TBC1D5: variants seen among roughly 807,000 people sequenced by gnomAD.
TBC1D5 encodes TBC1 domain family member 5, also known as TBC1 domain family, member 5.
In TBC1D5, 75 loss-of-function variants were observed where a neutral mutation model predicts 100.3. The ratio of observed to expected loss-of-function variants is 0.75; its 90% CI spans 0.62 to 0.91. The LOEUF (loss-of-function observed/expected upper bound fraction) is 0.91. Among genes scored for constraint, TBC1D5 ranks in the 40% least tolerant of loss-of-function variants. TBC1D5 has a pLI of 0.00. For synonymous variants in TBC1D5, 323 were observed against 325.6 expected (o/e 0.99, Z 0.09); for missense variants, 910 against 942.4 (o/e 0.97, Z 0.45).
chr3:17,540,293 CTATT>C (rs560196205), intron 2 of TBC1D5, among the ~76,000 whole-genome samples: 42 of 152,258 alleles, frequency 2.8e-4, no homozygotes, highest in African/African-American at 9.9e-4. Context: ...TCTTTTCACC[CTATT>C]TATTGACAGT....
intron 1 of TBC1D5, among the ~76,000 whole-genome samples, chr3:17,690,537 A>C (rs1432652726): frequency 9.9e-5 from 15 of 152,138 alleles, no homozygotes; most frequent in African/African-American, 3.6e-4. Context: ...ATATTTTATA[A>C]CAGGGTTCTC....
At chr3:17,480,013 G>A (rs2095483182) in intron 3 of TBC1D5, among the ~76,000 whole-genome samples, 1 of 152,202 alleles carries the variant, frequency 6.6e-6, no homozygotes, top group African/African-American at 2.4e-5. Flanking sequence ...GAAAGTGCCT[G>A]ATCCTGTGGC....
intron 1 of TBC1D5, among the ~76,000 whole-genome samples, chr3:17,651,794 T>C (rs1195831356): frequency 6.6e-6 from 1 of 151,984 alleles, no homozygotes; most frequent in East Asian, 1.9e-4. Flanking sequence ...CATTGTTAGG[T>C]GAGGAGAAGG....
chr3:17,546,193 T>C (rs1311597194), intron 2 of TBC1D5, among the ~76,000 whole-genome samples: 1 of 152,196 alleles, frequency 6.6e-6, no homozygotes, highest in African/African-American at 2.4e-5. Flanking sequence ...TTGATAGTTA[T>C]TCTTGATCTG....
chr3:17,167,856 AC>A, intron 19 of TBC1D5, 28 bp from the exon 21 acceptor site: 15 of 1,519,078 alleles, frequency 9.9e-6, no homozygotes, highest in Non-Finnish European at 1.4e-5. Context: ...ACATTTTATA[AC>A]CAATGCTCTG....
intron 1 of TBC1D5, among the ~76,000 whole-genome samples, chr3:17,706,779 TATA>T (rs1433146718): frequency 1.3e-5 from 2 of 151,966 alleles, no homozygotes; most frequent in Non-Finnish European, 2.9e-5. Flanking sequence ...ATCTTTGTTT[TATA>T]ATTAAGCCAT....
Position 17,564,438 on chromosome 3 carries a change from T to A in TBC1D5, c.-35-55833A>T, listed in dbSNP as rs148318521. Reference sequence around the variant, plus strand: ...AAATATAAATAAATTACTACCCCCCTTAAGCTTCATGGGCCTACAGTTTTA... The same window carrying A: ...AAATATAAATAAATTACTACCCCCCATAAGCTTCATGGGCCTACAGTTTTA... On this transcript the variant is annotated intron_variant, in intron 2 of 21. Transcript: ENST00000253692. Among the ~76,000 whole-genome samples the A allele has an allele frequency of 3.5e-3, 526 of 152,236 alleles. 6 individuals are homozygous for A. The highest frequency in any genetic ancestry group is 0.024 in the East Asian group (126 of 5,186).
At chr3:17,430,113 A>G (rs1051388971) in intron 3 of TBC1D5, among the ~76,000 whole-genome samples, 3 of 151,820 alleles carry the variant, frequency 2.0e-5, no homozygotes, top group East Asian at 1.9e-4. Flanking sequence ...AAAATTAATA[A>G]TATTATAATA....
At chr3:17,341,494 C>A (rs953925757) in intron 13 of TBC1D5, among the ~76,000 whole-genome samples, 8 of 152,072 alleles carry the variant, frequency 5.3e-5, no homozygotes, top group Non-Finnish European at 1.0e-4. Flanking sequence ...CCGCGCCTGG[C>A]CTAAAATCTG....
At chr3:17,209,323 A>C (rs148990461) in intron 18 of TBC1D5, among the ~76,000 whole-genome samples, 242 of 152,150 alleles carry the variant, frequency 1.6e-3, no homozygotes, top group Non-Finnish European at 2.3e-3. Flanking sequence ...ATTAAAAACA[A>C]ATTTTTTTTG....
intron 3 of TBC1D5, chr3:17,465,135 C>A (rs1042649842): frequency 1.3e-5 from 2 of 152,328 alleles, no homozygotes; most frequent in African/African-American, 4.8e-5. Flanking sequence ...ACACCCCCAA[C>A]GTGGGCCCAC....
intron 2 of TBC1D5, among the ~76,000 whole-genome samples, chr3:17,570,998 A>G (rs2096623784): frequency 6.6e-6 from 1 of 152,056 alleles, no homozygotes; most frequent in East Asian, 1.9e-4. Flanking sequence ...GGTGACTTTT[A>G]GAGACACAAA....
At chr3:17,212,391 G>A (rs1337571871) in intron 18 of TBC1D5, among the ~76,000 whole-genome samples, 1 of 152,082 alleles carries the variant, frequency 6.6e-6, no homozygotes, top group Non-Finnish European at 1.5e-5. Context: ...TGTAAGTATG[G>A]CACATACAAT....
intron 16 of TBC1D5, among the ~76,000 whole-genome samples, chr3:17,242,524 G>A (rs904352957): frequency 5.9e-5 from 9 of 151,368 alleles, no homozygotes; most frequent in South Asian, 2.1e-4. Flanking sequence ...GAATACTTCC[G>A]TTCATTCATT....
At chr3:17,167,957 G>A in intron 19 of TBC1D5, 129 bp from the exon 21 acceptor site, 1 of 672,606 alleles carries the variant, frequency 1.5e-6, no homozygotes, top group Non-Finnish European at 2.6e-6. Flanking sequence ...CACAAAAGAT[G>A]CTCTGCAAAC....
In TBC1D5 at chr3:17,212,631, G is replaced by A. The variant is rs115177908; in HGVS notation, c.1752+1576C>T. 2.2e-3 allele frequency among the ~76,000 whole-genome samples: 342 copies of A among 152,022 alleles called. 1 individual carries two copies. The highest frequency in any genetic ancestry group is 7.9e-3 in the African/African-American group (328 of 41,466). Reference sequence around the variant, plus strand: ...CACTGCCCCCAAAGACCCTCCAGGGGGACAAAACGTGGAGGTGGAAACAAT... The same window carrying A: ...CACTGCCCCCAAAGACCCTCCAGGGAGACAAAACGTGGAGGTGGAAACAAT... On this transcript the variant is annotated intron_variant, in intron 18 of 21. Transcript: ENST00000253692.
intron 13 of TBC1D5, among the ~76,000 whole-genome samples, chr3:17,329,337 A>G (rs917069132): frequency 1.4e-4 from 21 of 152,224 alleles, no homozygotes; most frequent in Admixed American, 1.3e-3. Flanking sequence ...TTCAGCTCTG[A>G]TGTTCAGGTA....
At chr3:17,506,672 C>T (rs2095847618) in intron 3 of TBC1D5, among the ~76,000 whole-genome samples, 1 of 151,780 alleles carries the variant, frequency 6.6e-6, no homozygotes, top group South Asian at 2.1e-4. Flanking sequence ...AAATGTTAGG[C>T]TAGGATATAA....
intron 8 of TBC1D5, among the ~76,000 whole-genome samples, chr3:17,391,513 G>A (rs1312550861): frequency 5.3e-5 from 8 of 151,760 alleles, no homozygotes; most frequent in South Asian, 2.1e-4. Context: ...GATTAATTAC[G>A]TAGCAAAATA....
Sources: allele counts gnomAD v4.1 joint callset (sites outside exome capture counted in the v4.1 genomes callset), GRCh38; gene constraint gnomAD v4.1.1; transcripts MANE v1.5; gene names NCBI Gene and HGNC (gene_info 2026-07-23, HGNC 2026-07-21).